The following CSGALNACT1 variants were observed in gnomAD, a reference collection of about 807,000 sequenced individuals.
CSGALNACT1 encodes the protein chondroitin sulfate N-acetylgalactosaminyltransferase 1.
In CSGALNACT1, 52 loss-of-function variants were observed where a neutral mutation model predicts 51.0. The ratio of observed to expected loss-of-function variants is 1.02; its 90% CI spans 0.82 to 1.29. The LOEUF (loss-of-function observed/expected upper bound fraction) is 1.29. Ranked by LOEUF, CSGALNACT1 falls within the 50% of genes most tolerant of loss-of-function variation. The pLI is 0.00. For missense variants in CSGALNACT1, 935 were observed against 679.2 expected (o/e 1.38, Z -4.19); for synonymous variants, 341 against 254.4 (o/e 1.34, Z -3.24).
intron 3 of CSGALNACT1, among the ~76,000 whole-genome samples, chr8:19,509,489 C>T (rs983062201): frequency 1.1e-4 from 17 of 151,734 alleles, no homozygotes; most frequent in South Asian, 2.1e-4. Flanking sequence ...TATCGTGGTG[C>T]GTGCAGCCTG....
intron 1 of CSGALNACT1, among the ~76,000 whole-genome samples, chr8:19,712,321 G>C (rs895642387): frequency 3.5e-4 from 53 of 152,288 alleles, no homozygotes; most frequent in African/African-American, 1.3e-3. Flanking sequence ...CACCGCGCCT[G>C]GCCAGAACTC....
intron 4 of CSGALNACT1, among the ~76,000 whole-genome samples, chr8:19,487,296 C>T (rs763257641): frequency 6.6e-6 from 1 of 152,178 alleles, no homozygotes; most frequent in Non-Finnish European, 1.5e-5. Flanking sequence ...CATTTCACCT[C>T]CCAACAGCAG....
chr8:19,528,549 C>T lies in CSGALNACT1; in HGVS notation c.-296-22419G>A, dbSNP rs566326497. The stretch of plus-strand genomic sequence containing the variant: ...ATTACAACTTTATCCTCATTCTAGA[C>T]CCCCATAGTAAGATTTACTGAGATA... On this transcript the variant is annotated intron_variant, in intron 3 of 9. Coordinates refer to ENST00000454498, the Ensembl canonical transcript of CSGALNACT1. Among the ~76,000 whole-genome samples the T allele has an allele frequency of 6.6e-5, 10 of 152,110 alleles. No individual in the cohort carries two copies. In the South Asian group the frequency reaches 8.3e-4, roughly 13 times the overall value.
At chr8:19,598,295 G>A (rs2049416906) in intron 2 of CSGALNACT1, among the ~76,000 whole-genome samples, 1 of 152,202 alleles carries the variant, frequency 6.6e-6, no homozygotes, top group African/African-American at 2.4e-5. Flanking sequence ...GAACCTCCTG[G>A]AGTAGCCTCA....
intron 4 of CSGALNACT1, among the ~76,000 whole-genome samples, chr8:19,473,871 T>C (rs1563600624): frequency 1.3e-5 from 2 of 152,200 alleles, no homozygotes; most frequent in Non-Finnish European, 2.9e-5. Context: ...AAAAGAATTA[T>C]AAGCCCAGAA....
intron 3 of CSGALNACT1, among the ~76,000 whole-genome samples, chr8:19,526,722 C>T (rs1441868034): frequency 6.6e-5 from 10 of 152,226 alleles, no homozygotes; most frequent in African/African-American, 9.6e-5. Context: ...AAAAACATCA[C>T]GTAATTTAAT....
intron 1 of CSGALNACT1, among the ~76,000 whole-genome samples, chr8:19,617,554 C>G (rs373465665): frequency 6.6e-6 from 1 of 152,116 alleles, no homozygotes; most frequent in Non-Finnish European, 1.5e-5. Flanking sequence ...AAACACAGTT[C>G]AATTACCCAT....
At chr8:19,463,143 A>G (rs1239742824) in intron 4 of CSGALNACT1, among the ~76,000 whole-genome samples, 1 of 127,108 alleles carries the variant, frequency 7.9e-6, no homozygotes. Context: ...ACTCCAAAGA[A>G]CATGATTTCA....
intron 1 of CSGALNACT1, among the ~76,000 whole-genome samples, chr8:19,671,106 G>C (rs146044705): frequency 1.3e-5 from 2 of 152,312 alleles, no homozygotes; most frequent in African/African-American, 4.8e-5. Context: ...CCAGAGTGGA[G>C]GGCAGGAAGA....
intron 5 of CSGALNACT1, among the ~76,000 whole-genome samples, chr8:19,441,616 CT>C (rs1268801566): frequency 2.0e-5 from 3 of 152,194 alleles, no homozygotes; most frequent in Admixed American, 2.0e-4. Context: ...CATAAAAACC[CT>C]AGAAGAAAAC....
chr8:19,406,376 G>A (rs1330109823), intron 9 of CSGALNACT1, among the ~76,000 whole-genome samples: 4 of 151,300 alleles, frequency 2.6e-5, no homozygotes, highest in Admixed American at 2.6e-4. Flanking sequence ...GTGGTTAATG[G>A]GTACAAAAAT....
chr8:19,688,331 T>G (rs1458784958), intron 1 of CSGALNACT1, among the ~76,000 whole-genome samples: 1 of 152,110 alleles, frequency 6.6e-6, no homozygotes, highest in African/African-American at 2.4e-5. Flanking sequence ...TCCATCCACA[T>G]GGGAGATTGA....
chr8:19,554,941 G>A (rs887524123), intron 3 of CSGALNACT1, among the ~76,000 whole-genome samples: 4 of 150,560 alleles, frequency 2.7e-5, no homozygotes, highest in Admixed American at 6.6e-5. Flanking sequence ...GGAAAGAAAA[G>A]AAGAAAGAAA....
intron 1 of CSGALNACT1, among the ~76,000 whole-genome samples, chr8:19,612,886 C>A (rs1307076319): frequency 4.5e-5 from 6 of 133,660 alleles, no homozygotes; most frequent in Non-Finnish European, 9.3e-5. Flanking sequence ...CAGTTGTAAA[C>A]CATTTCAGCA....
At chr8:19,555,775 T>C (rs905162830) in intron 3 of CSGALNACT1, among the ~76,000 whole-genome samples, 3 of 152,192 alleles carry the variant, frequency 2.0e-5, no homozygotes, top group Non-Finnish European at 2.9e-5. Context: ...TCACCTTAAT[T>C]GCCTGTGCCT....
Position 19,543,941 on chromosome 8 carries a change from G to T in CSGALNACT1, c.-296-37811C>A, listed in dbSNP as rs114305680. On this transcript the variant is annotated intron_variant, in intron 3 of 9. Coordinates refer to ENST00000454498, the Ensembl canonical transcript of CSGALNACT1. ...TTAATTTTTCTAAAGAGGAAAAGACGGTGCCAGTATTAAATTCTTCCTGAT... is the reference window on the plus strand; with the variant it reads ...TTAATTTTTCTAAAGAGGAAAAGACTGTGCCAGTATTAAATTCTTCCTGAT... Among the ~76,000 whole-genome samples the T allele has an allele frequency of 2.2e-3, 329 of 152,214 alleles. 2 individuals are homozygous for T. Among genetic ancestry groups the T allele is most frequent in the African/African-American group, 7.5e-3 (312 of 41,532 alleles).
At chr8:19,574,603 G>A (rs543495792) in intron 3 of CSGALNACT1, among the ~76,000 whole-genome samples, 6 of 152,226 alleles carry the variant, frequency 3.9e-5, no homozygotes, top group South Asian at 4.2e-4. Context: ...AGCCCACCTC[G>A]TGCTGCCTGA....
At chr8:19,635,995 G>A (rs1448825274) in intron 1 of CSGALNACT1, among the ~76,000 whole-genome samples, 1 of 152,188 alleles carries the variant, frequency 6.6e-6, no homozygotes, top group Non-Finnish European at 1.5e-5. Context: ...CTTCCAATGT[G>A]CTGAGATTAC....
At chr8:19,426,691 C>A (rs977152216) in intron 6 of CSGALNACT1, among the ~76,000 whole-genome samples, 2 of 152,140 alleles carry the variant, frequency 1.3e-5, no homozygotes, top group African/African-American at 4.8e-5. Flanking sequence ...ATCTGGTGCA[C>A]GGAGACTCCT....
Sources: allele counts gnomAD v4.1 joint callset (sites outside exome capture counted in the v4.1 genomes callset), GRCh38; gene constraint gnomAD v4.1.1; transcripts MANE v1.5; gene names NCBI Gene and HGNC (gene_info 2026-07-23, HGNC 2026-07-21).